The following SPPL3 variants were observed in gnomAD, a reference collection of about 807,000 sequenced individuals.
SPPL3 encodes the protein signal peptide peptidase like 3.
SPPL3 carries 5 observed loss-of-function variants against 42.4 expected under a neutral mutation model. The observed-to-expected ratio is 0.12, with a 90% confidence interval of 0.06 to 0.25. The LOEUF (loss-of-function observed/expected upper bound fraction) is 0.25. Among genes scored for constraint, SPPL3 ranks in the 10% least tolerant of loss-of-function variants. SPPL3 has a pLI of 1.00. For missense variants in SPPL3, 235 were observed against 489.0 expected, an observed-to-expected ratio of 0.48 and a Z score of 4.90; for synonymous variants, 195 against 181.8, an observed-to-expected ratio of 1.07 and a Z score of -0.58.
At chr12:120,823,206 G>T (rs909774648) in intron 1 of SPPL3, among the ~76,000 whole-genome samples, 2 of 88,220 alleles carry the variant, frequency 2.3e-5, no homozygotes, top group Non-Finnish European at 5.6e-5. Flanking sequence ...GAGAGTGTGT[G>T]TGTGGGGGTG....
intron 6 of SPPL3, among the ~76,000 whole-genome samples, chr12:120,775,541 C>T (rs946736449): frequency 4.6e-5 from 7 of 152,166 alleles, no homozygotes; most frequent in Non-Finnish European, 7.3e-5. Context: ...TGCTATAAAA[C>T]GAGGGGACTG....
chr12:120,777,514 T>C (rs1869365894), intron 6 of SPPL3, among the ~76,000 whole-genome samples: 1 of 152,212 alleles, frequency 6.6e-6, no homozygotes, highest in African/African-American at 2.4e-5. Flanking sequence ...AAAAGTCTAA[T>C]GCACATAGCT....
intron 1 of SPPL3, among the ~76,000 whole-genome samples, chr12:120,873,828 T>C (rs934619199): frequency 1.3e-5 from 2 of 151,868 alleles, no homozygotes; most frequent in African/African-American, 4.8e-5. Context: ...GCCAAGATCA[T>C]GCCACTGCAC....
At chr12:120,862,573 C>T (rs1309758609) in intron 1 of SPPL3, among the ~76,000 whole-genome samples, 1 of 152,144 alleles carries the variant, frequency 6.6e-6, no homozygotes, top group African/African-American at 2.4e-5. Flanking sequence ...AAGGATACAA[C>T]TCAGGAGCAG....
In SPPL3 at chr12:120,851,140, T is replaced by C. The variant is rs80022627; in HGVS notation, c.24-40254A>G. ...ATCTCGTTTAGATACTTACCAGGTGTTATCATTCCTAATGAATGAGAACGC... is the reference window on the plus strand; with the variant it reads ...ATCTCGTTTAGATACTTACCAGGTGCTATCATTCCTAATGAATGAGAACGC... On this transcript the variant is annotated intron_variant, in intron 1 of 10. Coordinates refer to ENST00000353487, the MANE Select transcript of SPPL3 (RefSeq NM_139015.5). Among the ~76,000 whole-genome samples, 519 of 152,290 alleles carry C rather than the reference T, an allele frequency of 3.4e-3. 3 individuals carry two copies. Among genetic ancestry groups the C allele is most frequent in the African/African-American group, 0.012 (499 of 41,556 alleles).
At chr12:120,775,789 G>A (rs609394) in intron 6 of SPPL3, among the ~76,000 whole-genome samples, 15,579 of 152,166 alleles carry the variant, frequency 0.1, 1,101 homozygotes, top group Non-Finnish European at 0.16. Flanking sequence ...GGAAAATCCC[G>A]AAGTCCATTC....
At chr12:120,853,173 A>C (rs1452301558) in intron 1 of SPPL3, among the ~76,000 whole-genome samples, 1 of 152,122 alleles carries the variant, frequency 6.6e-6, no homozygotes, top group East Asian at 1.9e-4. Flanking sequence ...CTGGGATTAC[A>C]GGCATGAGCC....
chr12:120,863,653 G>T (rs1312383761), intron 1 of SPPL3, among the ~76,000 whole-genome samples: 3 of 152,078 alleles, frequency 2.0e-5, no homozygotes, highest in Non-Finnish European at 4.4e-5. Flanking sequence ...CAGATGGTAG[G>T]TTTTTTAATT....
At chr12:120,802,994 G>A (rs1440382840) in intron 2 of SPPL3, among the ~76,000 whole-genome samples, 1 of 152,134 alleles carries the variant, frequency 6.6e-6, no homozygotes, top group Admixed American at 6.5e-5. Flanking sequence ...TTATTTGAAT[G>A]CCTACTGTGA....
chr12:120,787,075 A>G (rs1869746054), intron 3 of SPPL3, among the ~76,000 whole-genome samples: 1 of 152,206 alleles, frequency 6.6e-6, no homozygotes, highest in Non-Finnish European at 1.5e-5. Context: ...AATAAAACCA[A>G]TAACTATTAA....
chr12:120,887,095 T>G (rs1873484840), intron 1 of SPPL3, among the ~76,000 whole-genome samples: 1 of 151,818 alleles, frequency 6.6e-6, no homozygotes, highest in African/African-American at 2.4e-5. Context: ...TGCCTCAGCC[T>G]CCCACCATCA....
At chr12:120,893,837 A>AT (rs1873717854) in intron 1 of SPPL3, among the ~76,000 whole-genome samples, 1 of 151,782 alleles carries the variant, frequency 6.6e-6, no homozygotes, top group African/African-American at 2.4e-5. Context: ...CTGGTCTTCC[A>AT]TTTTTTCCTC....
chr12:120,802,126 T>C (rs1210888661), intron 2 of SPPL3, among the ~76,000 whole-genome samples: 1 of 151,552 alleles, frequency 6.6e-6, no homozygotes, highest in East Asian at 1.9e-4. Flanking sequence ...TGTCCTAGAG[T>C]GGATTAAAAA....
At chr12:120,806,864 A>AGAAG (rs1243288734) in intron 2 of SPPL3, among the ~76,000 whole-genome samples, 5 of 150,872 alleles carry the variant, frequency 3.3e-5, no homozygotes, top group African/African-American at 1.2e-4. Context: ...AAAGAAAGAA[A>AGAAG]GAAAGAAAAC....
Position 120,774,714 on chromosome 12 carries a change from G to C in SPPL3, c.503-5655C>G, listed in dbSNP as rs563635105. ...CCAGAACATGCTCTCAATCTAGTTT[G>C]CCTGCCTTTCATTCTGTCATTCAAG... On this transcript the variant is annotated intron_variant, in intron 6 of 10. Coordinates refer to ENST00000353487, the MANE Select transcript of SPPL3 (RefSeq NM_139015.5). Among the ~76,000 whole-genome samples, 9 of 151,902 alleles carry C rather than the reference G, an allele frequency of 5.9e-5. No individual in the cohort carries two copies. The East Asian group carries it at 1.7e-3, about 29-fold the overall frequency.
At chr12:120,876,001 T>C (rs1593006806) in intron 1 of SPPL3, among the ~76,000 whole-genome samples, 1 of 139,318 alleles carries the variant, frequency 7.2e-6, no homozygotes, top group South Asian at 2.4e-4. Flanking sequence ...GATTAGTGAT[T>C]GGCAAAACAA....
intron 1 of SPPL3, among the ~76,000 whole-genome samples, chr12:120,870,460 G>A (rs903955166): frequency 6.6e-6 from 1 of 151,866 alleles, no homozygotes; most frequent in Non-Finnish European, 1.5e-5. Context: ...AAAGAAAAAA[G>A]ATACAAAGAT....
chr12:120,780,753 C>A (rs1086581), intron 6 of SPPL3, among the ~76,000 whole-genome samples: 29,514 of 66,408 alleles, frequency 0.44, 4,775 homozygotes, highest in East Asian at 0.61. Context: ...AAAAAAAAAA[C>A]AAAACAAAAA....
At position 120,904,317 on chromosome 12, in the gene SPPL3, G is replaced by C. The variant is rs934370367; in HGVS notation, c.-450C>G. The C allele has an allele frequency of 6.0e-6, 1 of 165,414 alleles. No homozygotes were observed. The highest frequency in any genetic ancestry group is 1.8e-4 in the East Asian group (1 of 5,604). 10.2% of individuals were successfully genotyped at this position (165,414 alleles called of 1,614,324 possible). On this transcript the variant is annotated 5_prime_UTR_variant, in exon 1 of 11. Coordinates refer to ENST00000353487, the MANE Select transcript of SPPL3 (RefSeq NM_139015.5). ...GCGGCGGCGACTGAGGGGGGCGCTA[G>C]GCGATGAGGCGAGGCCACTCGATCA...
Sources: gnomAD v4.1 joint callset for allele counts (sites outside exome capture counted in the v4.1 genomes callset) on GRCh38, gnomAD v4.1.1 for gene constraint, MANE v1.5 for transcripts, NCBI Gene and HGNC (gene_info 2026-07-23, HGNC 2026-07-21) for gene names.